Variants in SNTG1 observed in about 807,000 individuals in gnomAD.
SNTG1 encodes the protein syntrophin gamma 1, also known as gamma-1-syntrophin.
SNTG1 carries 39 observed loss-of-function variants against 74.7 expected under a neutral mutation model. That is an observed-to-expected ratio of 0.52 (90% CI 0.40 to 0.68). SNTG1 has a LOEUF of 0.68. Among genes scored for constraint, SNTG1 ranks in the 30% least tolerant of loss-of-function variants. The probability of loss-of-function intolerance (pLI) is 0.00; values close to 1 mark genes in which losing one functional copy is unlikely to be tolerated. For synonymous variants in SNTG1, 254 were observed against 217.1 expected, an observed-to-expected ratio of 1.17 and a Z score of -1.49; for missense variants, 685 against 609.5, an observed-to-expected ratio of 1.12 and a Z score of -1.30.
intron 1 of SNTG1, among the ~76,000 whole-genome samples, chr8:50,031,324 C>A (rs1817724119): frequency 6.6e-6 from 1 of 151,900 alleles, no homozygotes; most frequent in African/African-American, 2.4e-5. Flanking sequence ...ATTTGTATGT[C>A]TTTTATTTCC....
chr8:50,493,424 T>C (rs546072016), intron 8 of SNTG1, among the ~76,000 whole-genome samples: 16 of 152,302 alleles, frequency 1.1e-4, no homozygotes, highest in African/African-American at 3.6e-4. Flanking sequence ...ATGTTTGTAA[T>C]ACTGTATTTA....
chr8:50,551,242 C>T (rs1232313907), intron 11 of SNTG1, among the ~76,000 whole-genome samples: 1 of 152,054 alleles, frequency 6.6e-6, no homozygotes, highest in Non-Finnish European at 1.5e-5. Context: ...AAGTATTTCA[C>T]TTATGTTCAT....
At chr8:50,484,120 C>CTTTCT (rs1554542559) in intron 8 of SNTG1, among the ~76,000 whole-genome samples, 29 of 112,314 alleles carry the variant, frequency 2.6e-4, no homozygotes, top group African/African-American at 9.3e-4. Flanking sequence ...TTCTTTCTTT[C>CTTTCT]TTTCTTTCTT....
At chr8:50,372,591 A>C (rs989969316) in intron 2 of SNTG1, among the ~76,000 whole-genome samples, 1 of 152,180 alleles carries the variant, frequency 6.6e-6, no homozygotes, top group African/African-American at 2.4e-5. Context: ...GTCATAATTT[A>C]ACTTTATATA....
chr8:50,581,611 A>T (rs2130821569), intron 12 of SNTG1, among the ~76,000 whole-genome samples: 1 of 152,316 alleles, frequency 6.6e-6, no homozygotes, highest in African/African-American at 2.4e-5. Flanking sequence ...AAAATTAGAG[A>T]TTAGTATCTC....
intron 1 of SNTG1, among the ~76,000 whole-genome samples, chr8:50,152,094 C>T (rs2131543935): frequency 6.6e-6 from 1 of 152,248 alleles, no homozygotes; most frequent in South Asian, 2.1e-4. Flanking sequence ...CTGGGTGCTC[C>T]TGTATTGGGT....
At chr8:50,673,784 G>A (rs933780399) in intron 15 of SNTG1, among the ~76,000 whole-genome samples, 1 of 152,050 alleles carries the variant, frequency 6.6e-6, no homozygotes, top group Non-Finnish European at 1.5e-5. Flanking sequence ...TCCAGCTTTT[G>A]CCCATTCAAT....
intron 2 of SNTG1, among the ~76,000 whole-genome samples, chr8:50,268,026 G>A (rs2087569968): frequency 6.6e-6 from 1 of 152,154 alleles, no homozygotes; most frequent in Middle Eastern, 3.2e-3. Context: ...CAGTGCATCT[G>A]CAGGAAACTT....
intron 13 of SNTG1, among the ~76,000 whole-genome samples, chr8:50,594,234 C>T (rs1001433968): frequency 6.6e-6 from 1 of 152,094 alleles, no homozygotes; most frequent in Admixed American, 6.5e-5. Context: ...CTATATGTAC[C>T]TAGACCATTA....
chr8:50,756,236 A>G (rs542645737), intron 18 of SNTG1, among the ~76,000 whole-genome samples: 215 of 151,946 alleles, frequency 1.4e-3, no homozygotes, highest in Middle Eastern at 3.4e-3. Flanking sequence ...TCTTTCATAG[A>G]GCAGAAAATT....
chr8:50,211,358 A>T (rs1040731176), intron 2 of SNTG1, among the ~76,000 whole-genome samples: 1 of 152,178 alleles, frequency 6.6e-6, no homozygotes, highest in African/African-American at 2.4e-5. Flanking sequence ...GATCTTTGTT[A>T]TCAGAGAAAT....
At position 50,150,502 on chromosome 8, in the gene SNTG1, C is replaced by G. The variant is rs552380876; in HGVS notation, c.-102-22059C>G. On this transcript the variant is annotated intron_variant, in intron 1 of 18. Transcript: ENST00000642720. ...TCAAAGGGAATGCTTCCAGTTTTTG[C>G]CCTTTCAGTATGATATTGGCTGTGG... is the stretch of plus-strand genomic sequence containing the variant. Among the ~76,000 whole-genome samples the G allele has an allele frequency of 1.2e-4, 19 of 152,260 alleles. No individual in the cohort carries two copies. In the East Asian group the frequency reaches 3.7e-3, roughly 29 times the overall value.
intron 4 of SNTG1, among the ~76,000 whole-genome samples, chr8:50,412,322 G>A (rs1311820425): frequency 1.3e-5 from 2 of 151,798 alleles, no homozygotes; most frequent in South Asian, 4.2e-4. Flanking sequence ...GTACCTATTT[G>A]TCTTTCTGTG....
chr8:50,580,067 C>T (rs1022469587), intron 12 of SNTG1, among the ~76,000 whole-genome samples: 4 of 152,230 alleles, frequency 2.6e-5, no homozygotes, highest in Admixed American at 1.3e-4. Flanking sequence ...CAGGGGTGGA[C>T]CTGCCCAAGG....
chr8:50,438,973 G>A (rs189436181), intron 5 of SNTG1, among the ~76,000 whole-genome samples: 1 of 152,210 alleles, frequency 6.6e-6, no homozygotes, highest in Admixed American at 6.5e-5. Context: ...AAGCCCAATA[G>A]TAAGTGAGAT....
intron 9 of SNTG1, among the ~76,000 whole-genome samples, chr8:50,513,417 T>C (rs1449770317): frequency 6.6e-6 from 1 of 152,228 alleles, no homozygotes; most frequent in Non-Finnish European, 1.5e-5. Flanking sequence ...GCTGTGTGCT[T>C]GGAGAACCAC....
intron 1 of SNTG1, among the ~76,000 whole-genome samples, chr8:50,065,307 T>A (rs1820815091): frequency 6.6e-6 from 1 of 152,216 alleles, no homozygotes. Flanking sequence ...TCATGTTTTT[T>A]ATCTTATTTT....
intron 13 of SNTG1, among the ~76,000 whole-genome samples, chr8:50,656,219 T>C (rs1023167720): frequency 6.6e-6 from 1 of 152,200 alleles, no homozygotes; most frequent in Non-Finnish European, 1.5e-5. Flanking sequence ...GTTAAGTGTT[T>C]GTGTATATGT....
intron 12 of SNTG1, chr8:50,568,750 A>G (rs2094530167): frequency 6.6e-6 from 1 of 152,106 alleles, no homozygotes; most frequent in South Asian, 2.1e-4. Flanking sequence ...TAGTTTGCAA[A>G]TACATCTGTA....
Sources: allele counts gnomAD v4.1 joint callset (sites outside exome capture counted in the v4.1 genomes callset), GRCh38; gene constraint gnomAD v4.1.1; transcripts MANE v1.5; gene names NCBI Gene and HGNC (gene_info 2026-07-23, HGNC 2026-07-21).